SLC9A5: variants seen among roughly 807,000 people sequenced by gnomAD.
SLC9A5 encodes sodium/hydrogen exchanger 5.
Under a neutral mutation model 91.7 loss-of-function variants are expected in SLC9A5, and 52 were observed. The ratio of observed to expected loss-of-function variants is 0.57; its 90% confidence interval spans 0.45 to 0.71. The LOEUF (loss-of-function observed/expected upper bound fraction) is 0.71. Among genes scored for constraint, SLC9A5 ranks in the 30% least tolerant of loss-of-function variants. The probability of loss-of-function intolerance (pLI) is 0.00; values close to 1 mark genes in which losing one functional copy is unlikely to be tolerated. For missense variants in SLC9A5, 871 were observed against 1,158.9 expected (o/e 0.75, Z 3.61); for synonymous variants, 419 against 474.5 (o/e 0.88, Z 1.52).
intron 15 of SLC9A5, 44 bp downstream of exon 15, chr16:67,266,269 G>C: frequency 6.5e-7 from 1 of 1,542,702 alleles, no homozygotes; most frequent in East Asian, 2.4e-5. Flanking sequence ...GAGCAAGCTG[G>C]TTTCCTCTCT....
intron 15 of SLC9A5, among the ~76,000 whole-genome samples, chr16:67,269,514 CTTTCA>C (rs951757461): frequency 2.0e-5 from 3 of 152,138 alleles, no homozygotes; most frequent in African/African-American, 7.2e-5. Context: ...ATGCTTGATT[CTTTCA>C]TTTATCAGTT....
chr16:67,249,219 T>TGCGC lies in SLC9A5; in HGVS notation c.187+19_187+22dup, dbSNP rs747058526. The TGCGC allele has an allele frequency of 1.4e-6, 2 of 1,414,840 alleles. No homozygotes were observed. The highest frequency in any genetic ancestry group is 3.0e-5 in the South Asian group (2 of 67,392). 87.6% of individuals were successfully genotyped at this position (1,414,840 alleles called of 1,614,324 possible). On this transcript the variant is annotated intron_variant, in intron 1 of 15. Coordinates refer to ENST00000299798, the MANE Select transcript of SLC9A5 (RefSeq NM_004594.3). ...CAAAATCGGTGAGTGCGTGTGTGCG[T>TGCGC]GCGCCAGGCCGACCGCCAGCGGCGG...
At position 67,255,278 on chromosome 16, in the gene SLC9A5, C is replaced by T. The variant is rs770315153; in HGVS notation, c.654+94C>T. The stretch of plus-strand genomic sequence containing the variant: ...GCAGACTCAGTCCCTTCCCTTGGGT[C>T]CCCTGGGGCAGAAATATGCTGTCTG... On this transcript the variant is annotated intron_variant, in intron 3 of 15. Transcript: ENST00000299798. The surrounding 1 kb of genome is among the most constrained non-coding windows in gnomAD (Gnocchi z 4.9). 2.9e-5 allele frequency: 45 copies of T among 1,526,604 alleles called. No individual in the cohort carries two copies. The Middle Eastern group carries it at 6.9e-4, about 23-fold the overall frequency. The allele number at this position is 1,526,604 out of a possible 1,614,324, so 94.6% of individuals were successfully genotyped here.
In SLC9A5 at chr16:67,257,004, G is replaced by T. The variant is rs750571006; in HGVS notation, c.1226G>T (p.Gly409Val). 1 of 1,614,040 alleles carries T rather than the reference G, an allele frequency of 6.2e-7. No homozygotes were observed. Residue 409 changes from glycine to valine, a missense_variant, in exon 7 of 16, where the codon GGG (glycine) becomes GTG (valine). Around this residue, in one of 3 missense-constraint regions of SLC9A5, gnomAD observed 454 missense variants for 718.3 expected, o/e 0.63. Transcript: ENST00000299798. This position sits in a 1 kb window ranked among gnomAD's most constrained non-coding sequence, Gnocchi z 5.1. ...GTGATGTCCTATGGGGGCCTGCGGGGGGCTGTGGCCTTTGCTCTCGTCATC... is the reference window on the plus strand; with the variant it reads ...GTGATGTCCTATGGGGGCCTGCGGGTGGCTGTGGCCTTTGCTCTCGTCATC... The part of the protein sequence containing the change: ...QVVMSYGGLR[G>V]AVAFALVILL...
chr16:67,255,212 C>A lies in SLC9A5; in HGVS notation c.654+28C>A, dbSNP rs750814291. ...GAGCGTGCTCAGCTGACTGCCATTC[C>A]CTGACCCCAGGCTGCATGCTCTGAC... is the stretch of plus-strand genomic sequence containing the variant. On this transcript the variant is annotated intron_variant, in intron 3 of 15. Transcript: ENST00000299798. The surrounding 1 kb of genome is among the most constrained non-coding windows in gnomAD (Gnocchi z 4.9). The A allele has an allele frequency of 6.2e-7, 1 of 1,606,096 alleles. No individual in the cohort carries two copies. Among genetic ancestry groups the A allele is most frequent in the Admixed American group, 1.7e-5 (1 of 59,764 alleles).
At chr16:67,267,081 G>GTTTTTTTT (rs980874306) in intron 15 of SLC9A5, among the ~76,000 whole-genome samples, 1 of 47,760 alleles carries the variant, frequency 2.1e-5, no homozygotes, top group Non-Finnish European at 3.9e-5. Context: ...CCCAGCTGTT[G>GTTTTTTTT]TTTTTTTTTT....
Position 67,271,152 on chromosome 16 carries a change from G to A in SLC9A5, c.2633G>A (p.Ser878Asn), listed in dbSNP as rs556887900. Residue 878 changes from serine (S) to asparagine (N), a missense_variant, in exon 16 of 16, where the codon AGC becomes AAC. By Grantham distance (46) the Ser-to-Asn change is conservative (BLOSUM62 1). Around this residue, in one of 3 missense-constraint regions of SLC9A5, gnomAD observed 295 missense variants for 326.0 expected, o/e 0.90. Coordinates refer to ENST00000299798, the MANE Select transcript of SLC9A5 (RefSeq NM_004594.3). ...GGCCACAAGGACCACACCCATCTCAGCCCAGGCACCGCTACCTCCCACTGG... is the reference window on the plus strand; with the variant it reads ...GGCCACAAGGACCACACCCATCTCAACCCAGGCACCGCTACCTCCCACTGG... The part of the protein sequence containing the change: ...LMGHKDHTHL[S>N]PGTATSHWCI... 6.2e-7 allele frequency: 1 copy of A among 1,613,280 alleles called. No homozygotes were observed. The highest frequency in any genetic ancestry group is 8.5e-7 in the Non-Finnish European group (1 of 1,180,032).
At chr16:67,267,428 C>G (rs1237023154) in intron 15 of SLC9A5, among the ~76,000 whole-genome samples, 2 of 151,896 alleles carry the variant, frequency 1.3e-5, no homozygotes, top group Non-Finnish European at 2.9e-5. Context: ...TGAGGTTTCA[C>G]TGTGTTGCCC....
Position 67,258,535 on chromosome 16 carries a change from C to T in SLC9A5, c.1626+88C>T. On this transcript the variant is annotated intron_variant, in intron 10 of 15. Coordinates refer to ENST00000299798, the MANE Select transcript of SLC9A5 (RefSeq NM_004594.3). The surrounding 1 kb of genome is among the most constrained non-coding windows in gnomAD (Gnocchi z 4.5). ...GAAAGGGGTGGCAAGCAGGCTGGCC[C>T]TGAGCAGGGAGTTGGGAATTCCTAG... is the stretch of plus-strand genomic sequence containing the variant. The T allele has an allele frequency of 6.7e-7, 1 of 1,502,030 alleles. No homozygotes were observed. The highest frequency in any genetic ancestry group is 1.1e-5 in the South Asian group (1 of 87,748). The allele number at this position is 1,502,030 out of a possible 1,614,324, so 93.0% of individuals were successfully genotyped here.
chr16:67,252,628 T>A lies in SLC9A5; in HGVS notation c.274T>A (p.Leu92Met). Residue 92 changes from leucine (L) to methionine (M), a missense_variant, in exon 2 of 16, where the codon TTG becomes ATG. Leu to Met is a conservative substitution (Grantham distance 15). Transcript: ENST00000299798. This position sits in a 1 kb window ranked among gnomAD's most constrained non-coding sequence, Gnocchi z 4.0. ...LLGLVLGGIV[L>M]AVAKKAEYQL... is the part of the protein sequence containing the mutation. ...GGGCCTGGTGCTAGGGGGAATTGTT[T>A]TGGCTGTGGCCAAGAAAGCTGAGTA... 1 of 1,614,204 alleles carries A rather than the reference T, an allele frequency of 6.2e-7. No individual in the cohort carries two copies. The highest frequency in any genetic ancestry group is 2.2e-5 in the East Asian group (1 of 44,888).
chr16:67,270,873 T>C lies in SLC9A5; in HGVS notation c.2354T>C (p.Val785Ala), dbSNP rs2035893886. The part of the protein sequence containing the change: ...VSSETTKIVP[V>A]DMQTGWNQSI... ...TCGGAAACCACCAAGATTGTGCCTG[T>C]GGACATGCAGACGGGTTGGAACCAG... is the stretch of plus-strand genomic sequence containing the variant. The change falls in exon 16 of 16, where the codon GTG becomes GCG. Residue 785 changes from valine to alanine, a missense_variant. This residue lies in a region of SLC9A5 where 295 missense variants were observed against 326.0 expected (regional missense o/e 0.90). Coordinates refer to ENST00000299798, the MANE Select transcript of SLC9A5 (RefSeq NM_004594.3). The surrounding 1 kb of genome is among the most constrained non-coding windows in gnomAD (Gnocchi z 4.3). The C allele has an allele frequency of 2.5e-6, 4 of 1,614,032 alleles. No homozygotes were observed. The highest frequency in any genetic ancestry group is 3.4e-6 in the Non-Finnish European group (4 of 1,179,996).
intron 12 of SLC9A5, among the ~76,000 whole-genome samples, chr16:67,260,223 C>T (rs1247942297): frequency 6.6e-6 from 1 of 151,826 alleles, no homozygotes; most frequent in African/African-American, 2.4e-5. Context: ...GGTGCGGTGG[C>T]ACATGCCTGT....
intron 10 of SLC9A5, 136 bp from the exon 11 acceptor site, chr16:67,259,437 G>T: frequency 6.8e-6 from 4 of 586,970 alleles, no homozygotes; most frequent in East Asian, 3.2e-5. Flanking sequence ...AATTCGATAT[G>T]TAAAGTGCCT....
chr16:67,252,348 G>A lies in SLC9A5; in HGVS notation c.188-194G>A, dbSNP rs186579871. Among the ~76,000 whole-genome samples, 2 of 152,170 alleles carry A rather than the reference G, an allele frequency of 1.3e-5. No individual in the cohort carries two copies. The highest frequency in any genetic ancestry group is 3.9e-4 in the East Asian group (2 of 5,186). On this transcript the variant is annotated intron_variant, in intron 1 of 15. Coordinates refer to ENST00000299798, the MANE Select transcript of SLC9A5 (RefSeq NM_004594.3). This position sits in a 1 kb window ranked among gnomAD's most constrained non-coding sequence, Gnocchi z 4.0. The stretch of plus-strand genomic sequence containing the variant: ...TGTCTGTAGTCCCCGTACTCAGGAG[G>A]CTGAGGCAGGAGAATCACTTGAACC...
chr16:67,258,580 A>T lies in SLC9A5; in HGVS notation c.1626+133A>T, dbSNP rs955331008. ...TCCTAGCTGGCTCCATGGTCTGGTG[A>T]AGTGGCAGCGGCAGGAAGCAGCTGG... On this transcript the variant is annotated intron_variant, in intron 10 of 15. Coordinates refer to ENST00000299798, the MANE Select transcript of SLC9A5 (RefSeq NM_004594.3). The surrounding 1 kb of genome is among the most constrained non-coding windows in gnomAD (Gnocchi z 4.5). 8.5e-6 allele frequency: 9 copies of T among 1,063,772 alleles called. No homozygotes were observed. Among genetic ancestry groups the T allele is most frequent in the Admixed American group, 2.0e-5 (1 of 49,938 alleles). 65.9% of individuals were successfully genotyped at this position (1,063,772 alleles called of 1,614,324 possible). A position where few individuals can be genotyped will look rare whatever the true frequency, so the allele number is the denominator to read the frequency against.
chr16:67,259,497 T>G, intron 10 of SLC9A5, 76 bp from the exon 11 acceptor site: 3 of 1,020,156 alleles, frequency 2.9e-6, no homozygotes, highest in Non-Finnish European at 4.6e-6. Context: ...TCGTTATTAT[T>G]ATTTTCTTTA....
Position 67,270,975 on chromosome 16 carries a change from C to T in SLC9A5, c.2456C>T (p.Pro819Leu). 1 of 1,614,112 alleles carries T rather than the reference C, an allele frequency of 6.2e-7. No individual in the cohort carries two copies. Among genetic ancestry groups the T allele is most frequent in the Non-Finnish European group, 8.5e-7 (1 of 1,179,962 alleles). The change falls in exon 16 of 16, where the codon CCA becomes CTA. Residue 819 changes from proline to leucine, a missense_variant. Pro to Leu is a moderately conservative substitution (Grantham distance 98, BLOSUM62 -3). Around this residue, in one of 3 missense-constraint regions of SLC9A5, gnomAD observed 295 missense variants for 326.0 expected, o/e 0.90. Coordinates refer to ENST00000299798, the MANE Select transcript of SLC9A5 (RefSeq NM_004594.3). The surrounding 1 kb of genome is among the most constrained non-coding windows in gnomAD (Gnocchi z 4.3). Reference protein sequence around the residue: ...APILTCLPPHPRGTEEPQVPL... With the variant: ...APILTCLPPHLRGTEEPQVPL... ...ATTCTGACCTGCCTGCCTCCCCATC[C>T]ACGGGGCACTGAAGAGCCCCAGGTC...
intron 13 of SLC9A5, 75 bp from the exon 14 acceptor site, chr16:67,264,965 G>T (rs1267763469): frequency 6.7e-7 from 1 of 1,484,554 alleles, no homozygotes. Flanking sequence ...AACTTGTCCT[G>T]TTGACCCCAC....
intron 10 of SLC9A5, among the ~76,000 whole-genome samples, chr16:67,259,110 C>A (rs2035425521): frequency 6.6e-6 from 1 of 151,832 alleles, no homozygotes; most frequent in African/African-American, 2.4e-5. Flanking sequence ...AATACAAAAA[C>A]TAGCCAGGCG....
Sources: allele counts gnomAD v4.1 joint callset (sites outside exome capture counted in the v4.1 genomes callset), GRCh38; gene constraint gnomAD v4.1.1; regional missense constraint gnomAD v4.1.1; non-coding constraint Gnocchi (gnomAD v3.1); transcripts MANE v1.5; gene names NCBI Gene and HGNC (gene_info 2026-07-23, HGNC 2026-07-21).